The following ATAD2B variants were observed in gnomAD, a reference collection of about 807,000 sequenced individuals.
ATAD2B encodes the protein ATPase family AAA domain-containing protein 2B.
ATAD2B carries 40 observed loss-of-function variants against 167.6 expected under a neutral mutation model. The ratio of observed to expected loss-of-function variants is 0.24; its 90% CI spans 0.19 to 0.31. The LOEUF (loss-of-function observed/expected upper bound fraction) is 0.31. Among genes scored for constraint, ATAD2B ranks in the 10% least tolerant of loss-of-function variants. ATAD2B has a pLI of 1.00. For synonymous variants in ATAD2B, 579 were observed against 596.5 expected (o/e 0.97, Z 0.43); for missense variants, 1,242 against 1,757.2 (o/e 0.71, Z 5.24).
At chr2:23,816,768 TTC>T (rs1231345059) in intron 17 of ATAD2B, among the ~76,000 whole-genome samples, 1 of 152,186 alleles carries the variant, frequency 6.6e-6, no homozygotes, top group East Asian at 1.9e-4. Flanking sequence ...CCTCAGAAAA[TTC>T]TGTTTCTAGT....
At chr2:23,695,228 C>T in the ATAD2B span, among the ~76,000 whole-genome samples, 1 of 152,156 alleles carries the variant, frequency 6.6e-6, no homozygotes, top group Non-Finnish European at 1.5e-5. The surrounding 1 kb of genome is among the most constrained non-coding windows in gnomAD (Gnocchi z 7.6). Flanking sequence ...GTTCCTGAGT[C>T]CTTGTCACAC....
intron 1 of ATAD2B, among the ~76,000 whole-genome samples, chr2:23,907,179 T>G (rs1290893866): frequency 1.3e-5 from 2 of 152,004 alleles, no homozygotes; most frequent in East Asian, 3.9e-4. Context: ...AGTCAAATTG[T>G]CCCTGTTTGC....
At chr2:23,848,500 C>A (rs2149871710) in intron 13 of ATAD2B, among the ~76,000 whole-genome samples, 1 of 152,126 alleles carries the variant, frequency 6.6e-6, no homozygotes, top group African/African-American at 2.4e-5. Flanking sequence ...AAATGTATGA[C>A]AATAGCACAA....
At chr2:23,845,409 CA>C (rs1691604256) in intron 13 of ATAD2B, among the ~76,000 whole-genome samples, 1 of 151,798 alleles carries the variant, frequency 6.6e-6, no homozygotes, top group South Asian at 2.1e-4. Context: ...GGATGTTCCT[CA>C]AAACCATTAT....
the ATAD2B span, chr2:23,696,086 G>A: frequency 9.7e-6 from 15 of 1,551,802 alleles, 1 homozygote; most frequent in Admixed American, 2.0e-5. This position sits in a 1 kb window ranked among gnomAD's most constrained non-coding sequence, Gnocchi z 5.5. Flanking sequence ...TTCTATGACC[G>A]CGAGTTCTTC....
intron 1 of ATAD2B, among the ~76,000 whole-genome samples, chr2:23,906,014 G>A (rs892263156): frequency 3.3e-5 from 5 of 152,040 alleles, no homozygotes; most frequent in African/African-American, 4.8e-5. Context: ...ACACATTATC[G>A]TTAGACCCAG....
chr2:23,718,092 A>C, the ATAD2B span, among the ~76,000 whole-genome samples: 1 of 152,222 alleles, frequency 6.6e-6, no homozygotes, highest in Non-Finnish European at 1.5e-5. Context: ...TACAGCTAAA[A>C]ATCTTGAACA....
chr2:23,834,148 C>CTTTAT, intron 13 of ATAD2B, 70 bp from the exon 14 acceptor site: 1 of 113,988 alleles, frequency 8.8e-6, no homozygotes, highest in Non-Finnish European at 1.6e-5. Flanking sequence ...GTTTATCAGT[C>CTTTAT]TTTCTTTTTT....
In ATAD2B at chr2:23,768,767, G is replaced by A. The variant is rs537772125; in HGVS notation, c.3134-3139C>T. On this transcript the variant is annotated intron_variant, in intron 22 of 27. Coordinates refer to ENST00000238789, the MANE Select transcript of ATAD2B (RefSeq NM_017552.4). ...AATCACAAAGAATATTTTTAATCAG[G>A]ATTCTTTCACTCAGCATAATTATTT... Among the ~76,000 whole-genome samples, 4 of 152,032 alleles carry A rather than the reference G, an allele frequency of 2.6e-5. No individual in the cohort carries two copies. The South Asian group carries it at 8.3e-4, about 32-fold the overall frequency.
At chr2:23,692,472 C>T in the ATAD2B span, among the ~76,000 whole-genome samples, 22 of 152,198 alleles carry the variant, frequency 1.4e-4, no homozygotes, top group Admixed American at 3.3e-4. Flanking sequence ...CGAAAGCCCC[C>T]AAAGAAGCAG....
chr2:23,782,920 C>T lies in ATAD2B; in HGVS notation c.3082G>A (p.Asp1028Asn). Reference protein sequence around the residue: ...LTAKDFLKDIDLICSNALEYN... With the variant: ...LTAKDFLKDINLICSNALEYN... ...TCTAAAGCATTGCTACAGATGAGGT[C>T]AATATCTTTCAGGAAATCCTTTGCA... The change falls in exon 22 of 28, where the codon GAC (aspartate) becomes AAC (asparagine). Residue 1028 changes from aspartate (D) to asparagine (N), a missense_variant. Around this residue, in one of 9 missense-constraint regions of ATAD2B, gnomAD observed 204 missense variants for 324.0 expected, o/e 0.63. Transcript: ENST00000238789. The T allele has an allele frequency of 6.2e-7, 1 of 1,612,402 alleles. No homozygotes were observed. The highest frequency in any genetic ancestry group is 8.5e-7 in the Non-Finnish European group (1 of 1,178,930).
chr2:23,926,516 C>T, intron 1 of ATAD2B, 39 bp downstream of exon 1: 1 of 1,529,676 alleles, frequency 6.5e-7, no homozygotes, highest in South Asian at 1.2e-5. Context: ...GCAGGGCCGG[C>T]ACTTCCGAGC....
Position 23,857,495 on chromosome 2 carries a change from C to G in ATAD2B, c.1488G>C (p.Leu496Phe). The G allele has an allele frequency of 1.4e-6, 2 of 1,417,006 alleles. No individual in the cohort carries two copies. Among genetic ancestry groups the G allele is most frequent in the South Asian group, 1.5e-5 (1 of 66,408 alleles). 87.8% of individuals were successfully genotyped at this position (1,417,006 alleles called of 1,614,324 possible). ...QLRLLFDQAY[L>F]MRPSIIFFDE... ...CAAAAAATATTATAGAAGGTCTCAT[C>G]AAATATGCCTAGTAAGAAGAAAACA... The change falls in exon 13 of 28, where the codon TTG becomes TTC. Residue 496 changes from leucine to phenylalanine, a missense_variant. Physicochemically the swap from Leu to Phe is conservative, Grantham distance 22. Coordinates refer to ENST00000238789, the MANE Select transcript of ATAD2B (RefSeq NM_017552.4).
chr2:23,859,686 G>A (rs1340375150), intron 12 of ATAD2B, among the ~76,000 whole-genome samples: 4 of 152,094 alleles, frequency 2.6e-5, no homozygotes, highest in Non-Finnish European at 5.9e-5. Flanking sequence ...GGTGGCTCAT[G>A]CCTGTAATCC....
intron 17 of ATAD2B, among the ~76,000 whole-genome samples, chr2:23,819,190 C>T (rs905164357): frequency 6.6e-6 from 1 of 152,062 alleles, no homozygotes; most frequent in Admixed American, 6.6e-5. Flanking sequence ...AAAATTTACA[C>T]CATTACTTTA....
rs1196554237 is a variant in ATAD2B at position 23,924,181 on chromosome 2, C to CA, written c.216+2373dup. Among the ~76,000 whole-genome samples the CA allele has an allele frequency of 5.0e-3, 746 of 148,000 alleles. 8 individuals are homozygous for CA. The highest frequency in any genetic ancestry group is 0.018 in the African/African-American group (712 of 40,186). ...CCTGGGCTACAGCGAGACTCCGTCT[C>CA]AAAAAAAAACAAACAAACAAACATG... On this transcript the variant is annotated intron_variant, in intron 1 of 27. Coordinates refer to ENST00000238789, the MANE Select transcript of ATAD2B (RefSeq NM_017552.4).
At chr2:23,792,888 G>A (rs1490625415) in intron 19 of ATAD2B, among the ~76,000 whole-genome samples, 3 of 147,936 alleles carry the variant, frequency 2.0e-5, no homozygotes, top group South Asian at 2.1e-4. Context: ...GCGTGAACCC[G>A]GGAGGCAGAG....
At chr2:23,845,971 T>G (rs907084277) in intron 13 of ATAD2B, among the ~76,000 whole-genome samples, 15 of 102,102 alleles carry the variant, frequency 1.5e-4, no homozygotes, top group Admixed American at 1.1e-3. Flanking sequence ...TAAAAATTAC[T>G]AAACTATACA....
intron 1 of ATAD2B, among the ~76,000 whole-genome samples, chr2:23,906,407 A>G (rs72790329): frequency 0.19 from 28,472 of 152,124 alleles, 2,781 homozygotes; most frequent in Middle Eastern, 0.26. Context: ...GAAAACCTGC[A>G]TGCCAACCGG....
Sources: allele counts gnomAD v4.1 joint callset (sites outside exome capture counted in the v4.1 genomes callset), GRCh38; gene constraint gnomAD v4.1.1; regional missense constraint gnomAD v4.1.1; non-coding constraint Gnocchi (gnomAD v3.1); transcripts MANE v1.5; gene names NCBI Gene and HGNC (gene_info 2026-07-23, HGNC 2026-07-21).